Variants in XPO6 observed in about 807,000 individuals in gnomAD.
XPO6 encodes exportin-6.
A neutral mutation model predicts 130.0 loss-of-function variants in XPO6; 3 were observed. That is an observed-to-expected ratio of 0.02 (90% confidence interval 0.01 to 0.06). The LOEUF (loss-of-function observed/expected upper bound fraction) is 0.06. Among genes scored for constraint, XPO6 ranks in the 10% least tolerant of loss-of-function variants. The pLI is 1.00. For synonymous variants in XPO6, 524 were observed against 548.9 expected, an observed-to-expected ratio of 0.95 and a Z score of 0.63; for missense variants, 970 against 1,393.0, an observed-to-expected ratio of 0.70 and a Z score of 4.83.
chr16:28,124,631 T>G (rs1198203577), intron 13 of XPO6, among the ~76,000 whole-genome samples: 3 of 152,168 alleles, frequency 2.0e-5, no homozygotes, highest in Non-Finnish European at 2.9e-5. Flanking sequence ...TGAGCCACAA[T>G]GTACTTACTC....
chr16:28,181,509 G>C (rs2043614833), intron 1 of XPO6, among the ~76,000 whole-genome samples: 1 of 124,454 alleles, frequency 8.0e-6, no homozygotes, highest in African/African-American at 2.6e-5. Context: ...GGGGTAACCA[G>C]GGAGAGTGGT....
At chr16:28,152,056 T>A (rs1230539676) in intron 8 of XPO6, among the ~76,000 whole-genome samples, 1 of 147,510 alleles carries the variant, frequency 6.8e-6, no homozygotes, top group Non-Finnish European at 1.5e-5. Flanking sequence ...GCCACATATA[T>A]AATTTTATAT....
At chr16:28,103,279 G>C (rs2086692001) in intron 21 of XPO6, among the ~76,000 whole-genome samples, 1 of 152,178 alleles carries the variant, frequency 6.6e-6, no homozygotes, top group Non-Finnish European at 1.5e-5. Context: ...TCACCTGACA[G>C]AATGCATGTG....
At chr16:28,153,587 A>C in intron 7 of XPO6, 1 of 985,376 alleles carries the variant, frequency 1.0e-6, no homozygotes, top group Non-Finnish European at 1.2e-6. Flanking sequence ...AGGATAAGAG[A>C]TCTCTGTTAT....
chr16:28,152,529 G>T, intron 8 of XPO6, 130 bp downstream of exon 8: 1 of 1,149,096 alleles, frequency 8.7e-7, no homozygotes, highest in Non-Finnish European at 1.2e-6. Flanking sequence ...GATTAAACCT[G>T]TGACTCTTCA....
At chr16:28,116,326 G>A (rs2087053659) in intron 15 of XPO6, among the ~76,000 whole-genome samples, 4 of 152,156 alleles carry the variant, frequency 2.6e-5, no homozygotes, top group African/African-American at 9.7e-5. Flanking sequence ...GCCAGGCAAG[G>A]CGGCAGGCGC....
In XPO6 at chr16:28,098,506, G is replaced by T; in HGVS notation, c.*32C>A. The T allele has an allele frequency of 1.3e-6, 2 of 1,579,950 alleles. No individual in the cohort carries two copies. Among genetic ancestry groups the T allele is most frequent in the Non-Finnish European group, 1.7e-6 (2 of 1,155,664 alleles). ...GGTAGGGCTGGCGCAGGTGGCAGCA[G>T]CAGAAGTCCGTGTCCCCAGGCAGTA... is the stretch of plus-strand genomic sequence containing the variant. On this transcript the variant is annotated 3_prime_UTR_variant, in exon 24 of 24. Transcript: ENST00000304658.
chr16:28,171,673 G>C (rs9932851), intron 4 of XPO6, among the ~76,000 whole-genome samples: 2,424 of 152,082 alleles, frequency 0.016, 35 homozygotes, highest in African/African-American at 0.047. Context: ...TATAAATTCA[G>C]GTCTCTTGAA....
intron 9 of XPO6, among the ~76,000 whole-genome samples, chr16:28,136,367 G>C (rs2042775340): frequency 6.6e-6 from 1 of 152,106 alleles, no homozygotes; most frequent in South Asian, 2.1e-4. Context: ...TTACAGGCAT[G>C]ACCCACTAGG....
chr16:28,160,184 TAAA>T (rs56947792), intron 6 of XPO6, among the ~76,000 whole-genome samples: 44,937 of 76,300 alleles, frequency 0.59, 13,129 homozygotes, highest in East Asian at 0.81. Flanking sequence ...GCCTCCGTCT[TAAA>T]AAAAAAAAAA....
At chr16:28,150,734 C>A in intron 8 of XPO6, among the ~76,000 whole-genome samples, 1 of 152,174 alleles carries the variant, frequency 6.6e-6, no homozygotes, top group Non-Finnish European at 1.5e-5. Context: ...TCAGAACTGG[C>A]TCCTCAGCTC....
chr16:28,160,313 G>A (rs568673637), intron 6 of XPO6, among the ~76,000 whole-genome samples: 56 of 151,116 alleles, frequency 3.7e-4, no homozygotes, highest in Non-Finnish European at 5.7e-4. Flanking sequence ...AGACCAGCCC[G>A]GCCAAAATGG....
chr16:28,205,392 T>C (rs1362424843), intron 1 of XPO6, among the ~76,000 whole-genome samples: 2 of 152,172 alleles, frequency 1.3e-5, no homozygotes, highest in Admixed American at 1.3e-4. Context: ...GGAAGGCCCT[T>C]TCTTTGTCCC....
At chr16:28,119,267 C>T (rs966290312) in intron 14 of XPO6, among the ~76,000 whole-genome samples, 1 of 151,764 alleles carries the variant, frequency 6.6e-6, no homozygotes, top group African/African-American at 2.4e-5. Flanking sequence ...GATCTTCCCA[C>T]CTCAACCTCC....
intron 9 of XPO6, among the ~76,000 whole-genome samples, chr16:28,140,282 A>G (rs1596861389): frequency 6.6e-6 from 1 of 152,104 alleles, no homozygotes; most frequent in East Asian, 1.9e-4. Flanking sequence ...AACAATAACA[A>G]AAAGGTATAT....
chr16:28,180,754 G>A (rs2043602296), intron 2 of XPO6, among the ~76,000 whole-genome samples, 187 bp downstream of exon 2: 1 of 152,152 alleles, frequency 6.6e-6, no homozygotes, highest in South Asian at 2.1e-4. Context: ...CACAGTGATG[G>A]ATTTTCTTTC....
chr16:28,114,925 T>A (rs1022286772), intron 15 of XPO6, among the ~76,000 whole-genome samples: 1 of 152,320 alleles, frequency 6.6e-6, no homozygotes, highest in South Asian at 2.1e-4. Context: ...GTTGATTCCA[T>A]CTCAAAAACC....
At chr16:28,169,978 T>C in intron 4 of XPO6, 69 bp from the exon 5 acceptor site, 7 of 1,561,780 alleles carry the variant, frequency 4.5e-6, no homozygotes, top group Non-Finnish European at 6.1e-6. Context: ...TCAGTAGCAT[T>C]AAAGCTATGA....
chr16:28,152,942 C>A, intron 7 of XPO6, 157 bp from the exon 8 acceptor site: 2 of 1,342,724 alleles, frequency 1.5e-6, no homozygotes, highest in Non-Finnish European at 1.9e-6. Flanking sequence ...ACAGGACAGG[C>A]AACCCTTCAT....
Sources: allele counts gnomAD v4.1 joint callset (sites outside exome capture counted in the v4.1 genomes callset), GRCh38; gene constraint gnomAD v4.1.1; transcripts MANE v1.5; gene names NCBI Gene and HGNC (gene_info 2026-07-23, HGNC 2026-07-21).